The following TRIP10 variants were observed in gnomAD, a reference collection of about 807,000 sequenced individuals.
TRIP10 encodes the protein cdc42-interacting protein 4.
TRIP10 carries 54 observed loss-of-function variants against 80.9 expected under a neutral mutation model. The observed-to-expected ratio is 0.67, with a 90% CI of 0.54 to 0.84. The LOEUF (loss-of-function observed/expected upper bound fraction) is 0.84, where lower values mean the gene tolerates loss of function less well. Among genes scored for constraint, TRIP10 ranks in the 40% least tolerant of loss-of-function variants. TRIP10 has a pLI of 0.00. For synonymous variants in TRIP10, 321 were observed against 307.2 expected (o/e 1.04, Z -0.47); for missense variants, 773 against 815.3 (o/e 0.95, Z 0.63).
At chr19:6,741,567 T>A (rs1214234737) in intron 3 of TRIP10, among the ~76,000 whole-genome samples, 2 of 152,194 alleles carry the variant, frequency 1.3e-5, no homozygotes, top group African/African-American at 2.4e-5. Context: ...GGCAGATGAC[T>A]TAAAGTTTTG....
Position 6,751,524 on chromosome 19 carries a change from T to C in TRIP10, c.*313T>C. On this transcript the variant is annotated 3_prime_UTR_variant, in exon 15 of 15. Transcript: ENST00000313244. ...AATTATATAAAGTTCCTAGAGTCGG[T>C]GTCTTATTAGAGGATTTAAATACTG... 2.0e-6 allele frequency: 1 copy of C among 511,440 alleles called. No individual in the cohort carries two copies. Among genetic ancestry groups the C allele is most frequent in the Non-Finnish European group, 3.1e-6 (1 of 324,774 alleles). The allele number at this position is 511,440 out of a possible 1,614,324, so 31.7% of individuals were successfully genotyped here. A position where few individuals can be genotyped will look rare whatever the true frequency, so the allele number is the denominator to read the frequency against.
In TRIP10 at chr19:6,745,657, T is replaced by C. The variant is rs1049415887; in HGVS notation, c.985-372T>C. 2 of 985,328 alleles carry C rather than the reference T, an allele frequency of 2.0e-6. No individual in the cohort carries two copies. The highest frequency in any genetic ancestry group is 2.4e-6 in the Non-Finnish European group (2 of 829,910). 61.0% of individuals were successfully genotyped at this position (985,328 alleles called of 1,614,324 possible). On this transcript the variant is annotated intron_variant, in intron 9 of 14. Coordinates refer to ENST00000313244, the MANE Select transcript of TRIP10 (RefSeq NM_001288962.2). The surrounding 1 kb of genome is among the most constrained non-coding windows in gnomAD (Gnocchi z 7.2). ...TAGACTGTCAGCCCAGAAAGCTAAGTGGACAGAGAGACATGGGCCTCCCTG... is the reference window on the plus strand; with the variant it reads ...TAGACTGTCAGCCCAGAAAGCTAAGCGGACAGAGAGACATGGGCCTCCCTG...
chr19:6,745,919 C>G lies in TRIP10; in HGVS notation c.985-110C>G. Reference sequence around the variant, plus strand: ...TTTTCCTTTTTCCTTTTTTTGCGTCCATCCGTCCATCCGTGCGTCCATCCC... The same window carrying G: ...TTTTCCTTTTTCCTTTTTTTGCGTCGATCCGTCCATCCGTGCGTCCATCCC... On this transcript the variant is annotated intron_variant, in intron 9 of 14. Coordinates refer to ENST00000313244, the MANE Select transcript of TRIP10 (RefSeq NM_001288962.2). The surrounding 1 kb of genome is among the most constrained non-coding windows in gnomAD (Gnocchi z 7.2). The G allele has an allele frequency of 8.1e-7, 1 of 1,236,688 alleles. No individual in the cohort carries two copies. The highest frequency in any genetic ancestry group is 1.0e-6 in the Non-Finnish European group (1 of 981,826). 76.6% of individuals were successfully genotyped at this position (1,236,688 alleles called of 1,614,324 possible). A position where few individuals can be genotyped will look rare whatever the true frequency, so the allele number is the denominator to read the frequency against.
chr19:6,748,314 A>G (rs1026016661), intron 11 of TRIP10: 6 of 152,152 alleles, frequency 3.9e-5, no homozygotes, highest in Non-Finnish European at 8.8e-5. Context: ...AATGGCTTTT[A>G]TTGGTGTAAA....
At position 6,741,012 on chromosome 19, in the gene TRIP10, T is replaced by C; in HGVS notation, c.27T>C (p.Asp9=). The change falls in exon 2 of 15, where the codon GAT becomes GAC. Residue 9 remains aspartate (D), a splice_region_variant and synonymous_variant. Coordinates refer to ENST00000313244, the MANE Select transcript of TRIP10 (RefSeq NM_001288962.2). MDWGTELW[D]QFEVLERHTQ... is the part of the protein sequence containing the mutation. ...TCCCCCACCATGTCCCATGTCAGGA[T>C]CAGTTCGAGGTGCTCGAGCGCCACA... 1 of 1,613,012 alleles carries C rather than the reference T, an allele frequency of 6.2e-7. No individual in the cohort carries two copies.
At chr19:6,742,937 C>T in intron 3 of TRIP10, 30 bp from the exon 4 acceptor site, 1 of 1,611,236 alleles carries the variant, frequency 6.2e-7, no homozygotes, top group Non-Finnish European at 8.5e-7. Context: ...GGGCCTGACT[C>T]CCTGTTCCCC....
chr19:6,741,944 A>G (rs939276335), intron 3 of TRIP10, among the ~76,000 whole-genome samples: 1 of 151,906 alleles, frequency 6.6e-6, no homozygotes, highest in Non-Finnish European at 1.5e-5. Context: ...CAGCCTCCCT[A>G]GTAGCTGGGA....
chr19:6,748,874 G>A (rs1208927809), intron 11 of TRIP10: 4 of 152,116 alleles, frequency 2.6e-5, no homozygotes, highest in African/African-American at 9.7e-5. Flanking sequence ...GTGACTACCT[G>A]TATATATAGA....
In TRIP10 at chr19:6,743,831, T is replaced by C. The variant is rs1380659564; in HGVS notation, c.637T>C (p.Phe213Leu). 6.2e-7 allele frequency: 1 copy of C among 1,613,752 alleles called. No homozygotes were observed. The highest frequency in any genetic ancestry group is 8.5e-7 in the Non-Finnish European group (1 of 1,179,902). The change falls in exon 7 of 15, where the codon TTC becomes CTC. Residue 213 changes from phenylalanine to leucine, a missense_variant. Coordinates refer to ENST00000313244, the MANE Select transcript of TRIP10 (RefSeq NM_001288962.2). ...CTATTTTTCACAGATGCCCCAGATA[T>C]TCGATGTGAGTGCTCCCAGTTCTCA... ...HFYFSQMPQI[F>L]DKLQDMDERR...
Position 6,744,879 on chromosome 19 carries a change from C to G in TRIP10, c.869C>G (p.Pro290Arg), listed in dbSNP as rs779645911. ...GDVEFEDFSQPMNRAPSDSSL... is the reference protein window; with the variant it reads ...GDVEFEDFSQRMNRAPSDSSL... ...GTGGAATTCGAGGACTTCAGCCAGC[C>G]CATGAACCGTGCACCCTCCGACAGC... The change falls in exon 9 of 15, where the codon CCC becomes CGC. Residue 290 changes from proline (P) to arginine (R), a missense_variant. Coordinates refer to ENST00000313244, the MANE Select transcript of TRIP10 (RefSeq NM_001288962.2). The surrounding 1 kb of genome is among the most constrained non-coding windows in gnomAD (Gnocchi z 4.9). The G allele has an allele frequency of 1.2e-6, 2 of 1,614,266 alleles. No homozygotes were observed. Among genetic ancestry groups the G allele is most frequent in the East Asian group, 4.5e-5 (2 of 44,886 alleles).
chr19:6,748,890 G>A (rs163365), intron 11 of TRIP10: 83,863 of 151,994 alleles, frequency 0.55, 23,662 homozygotes, highest in African/African-American at 0.69. Context: ...ATAGACATAG[G>A]GGAGACAGGG....
Position 6,741,048 on chromosome 19 carries a change from GC to G in TRIP10, c.64del (p.Leu22TrpfsTer8). Reference protein sequence around the residue: ...EVLERHTQWGLDLLDRYVKFV... With the variant: ...EVLERHTQWGXDLLDRYVKFV... ...TGCTCGAGCGCCACACGCAGTGGGG[GC>G]TGGACCTGTTGGACAGATATGTAAA... On this transcript the variant is annotated frameshift_variant, in exon 2 of 15. Transcript: ENST00000313244. LOFTEE classifies it high-confidence loss of function. The G allele has an allele frequency of 6.2e-7, 1 of 1,614,020 alleles. No individual in the cohort carries two copies. The highest frequency in any genetic ancestry group is 8.5e-7 in the Non-Finnish European group (1 of 1,179,910).
rs75269317 is a variant in TRIP10 at position 6,740,156 on chromosome 19, G to A, written c.24+371G>A. ...CGTCGTCCGCCTGTCCGGCTAGGAG[G>A]GGGGAGGGGACCCTCTGGTCACCCT... On this transcript the variant is annotated intron_variant, in intron 1 of 14. Transcript: ENST00000313244. Among the ~76,000 whole-genome samples the A allele has an allele frequency of 5.3e-3, 814 of 152,296 alleles. 2 individuals carry two copies. The highest frequency in any genetic ancestry group is 7.3e-3 in the Non-Finnish European group (496 of 68,010).
At position 6,746,486 on chromosome 19, in the gene TRIP10, C is replaced by G. The variant is rs1348291844; in HGVS notation, c.1187C>G (p.Pro396Arg). 6.2e-7 allele frequency: 1 copy of G among 1,614,154 alleles called. No homozygotes were observed. The highest frequency in any genetic ancestry group is 8.5e-7 in the Non-Finnish European group (1 of 1,180,024). Residue 396 changes from proline (P) to arginine (R), a missense_variant, in exon 11 of 15, where the codon CCA becomes CGA. By Grantham distance (103) the Pro-to-Arg change is moderately radical (BLOSUM62 -2). Coordinates refer to ENST00000313244, the MANE Select transcript of TRIP10 (RefSeq NM_001288962.2). The surrounding 1 kb of genome is among the most constrained non-coding windows in gnomAD (Gnocchi z 6.2). ...VVTEDFSHLP[P>R]EQQRKRLQQQ... ...ACCGAGGATTTTAGCCACTTGCCCC[C>G]AGAGCAGCAGCGAAAACGGCTTCAA...
chr19:6,742,380 A>G (rs537968383), intron 3 of TRIP10, among the ~76,000 whole-genome samples: 51 of 151,622 alleles, frequency 3.4e-4, no homozygotes, highest in African/African-American at 1.2e-3. Context: ...ACAGAGTGAG[A>G]CTCTGTCTCC....
rs1255409551 is a variant in TRIP10 at position 6,750,063 on chromosome 19, T to C, written c.1392T>C (p.Tyr464=). The stretch of plus-strand genomic sequence containing the variant: ...GGCTGAAATTGGAAGTGCAGAAGTA[T>C]GAGGTCAGGAAAGACCCTGGGGAGG... ...IERLKLEVQK[Y]EAWLAEAESR... is the part of the protein sequence containing the mutation. The change falls in exon 12 of 15, where the codon TAT becomes TAC. Residue 464 remains tyrosine (Y), a synonymous_variant. Coordinates refer to ENST00000313244, the MANE Select transcript of TRIP10 (RefSeq NM_001288962.2). The C allele has an allele frequency of 1.3e-6, 2 of 1,586,790 alleles. No homozygotes were observed. Among genetic ancestry groups the C allele is most frequent in the Non-Finnish European group, 1.7e-6 (2 of 1,174,156 alleles).
Position 6,739,709 on chromosome 19 carries a change from G to A in TRIP10, c.-53G>A, listed in dbSNP as rs534720319. Reference sequence around the variant, plus strand: ...CTCCCCGGGGAGGGCGGCGGGCGGCGGGCGGCGGGGACCGGGTGCGGTGGT... The same window carrying A: ...CTCCCCGGGGAGGGCGGCGGGCGGCAGGCGGCGGGGACCGGGTGCGGTGGT... On this transcript the variant is annotated 5_prime_UTR_variant, in exon 1 of 15. Coordinates refer to ENST00000313244, the MANE Select transcript of TRIP10 (RefSeq NM_001288962.2). The A allele has an allele frequency of 5.0e-3, 6,384 of 1,282,658 alleles. 29 individuals carry two copies. The highest frequency in any genetic ancestry group is 6.1e-3 in the South Asian group (211 of 34,418). The allele number at this position is 1,282,658 out of a possible 1,614,324, so 79.5% of individuals were successfully genotyped here. A position where few individuals can be genotyped will look rare whatever the true frequency, so the allele number is the denominator to read the frequency against.
rs201183564 is a variant in TRIP10, at chr19:6,751,356, C to A, written c.*145C>A. ...CTGCCCCCTCCACCCCCAACCCAGT[C>A]CTACCTGTCACACCGGACGGACCCG... On this transcript the variant is annotated 3_prime_UTR_variant, in exon 15 of 15. Coordinates refer to ENST00000313244, the MANE Select transcript of TRIP10 (RefSeq NM_001288962.2). The A allele has an allele frequency of 6.8e-7, 1 of 1,466,100 alleles. No homozygotes were observed. The highest frequency in any genetic ancestry group is 2.6e-5 in the East Asian group (1 of 39,064). The allele number at this position is 1,466,100 out of a possible 1,614,324, so 90.8% of individuals were successfully genotyped here.
rs376360052 is a variant in TRIP10, at chr19:6,744,088, C to CAT, written c.642+254_642+255dup. ...TGTCACCCGGGCAGGAGTGCAGTGG[C>CAT]ATAATCACAGCTCACTGCAGCCTGG... On this transcript the variant is annotated intron_variant, in intron 7 of 14. Coordinates refer to ENST00000313244, the MANE Select transcript of TRIP10 (RefSeq NM_001288962.2). The surrounding 1 kb of genome is among the most constrained non-coding windows in gnomAD (Gnocchi z 4.9). Among the ~76,000 whole-genome samples the CAT allele has an allele frequency of 6.6e-6, 1 of 152,160 alleles. No homozygotes were observed. Among genetic ancestry groups the CAT allele is most frequent in the East Asian group, 1.9e-4 (1 of 5,188 alleles).
Sources: gnomAD v4.1 joint callset for allele counts (sites outside exome capture counted in the v4.1 genomes callset) on GRCh38, gnomAD v4.1.1 for gene constraint, Gnocchi (gnomAD v3.1) non-coding constraint, MANE v1.5 for transcripts, NCBI Gene and HGNC (gene_info 2026-07-23, HGNC 2026-07-21) for gene names.